The following KLRG2 variants were observed in gnomAD, a reference collection of about 807,000 sequenced individuals.
KLRG2 encodes the protein killer cell lectin-like receptor subfamily G member 2.
KLRG2 carries 39 observed loss-of-function variants against 35.4 expected under a neutral mutation model. The ratio of observed to expected loss-of-function variants is 1.10; its 90% confidence interval spans 0.85 to 1.44. The LOEUF (loss-of-function observed/expected upper bound fraction) is 1.44. Ranked by LOEUF, KLRG2 falls within the 40% of genes most tolerant of loss-of-function variation. The pLI is 0.00. For missense variants in KLRG2, 632 were observed against 570.9 expected (o/e 1.11, Z -1.09); for synonymous variants, 283 against 265.8 (o/e 1.06, Z -0.63).
Position 139,453,538 on chromosome 7 carries a change from A to T in KLRG2, c.*49T>A, listed in dbSNP as rs761045928. On this transcript the variant is annotated 3_prime_UTR_variant, in exon 5 of 5. Coordinates refer to ENST00000340940, the MANE Select transcript of KLRG2 (RefSeq NM_198508.4). ...CAAGCTCTCAACTGGCCTCCCCTGT[A>T]GGGGGTGCTGCATCTGCCTGGCAGG... The T allele has an allele frequency of 1.7e-5, 27 of 1,554,850 alleles. No individual in the cohort carries two copies. The highest frequency in any genetic ancestry group is 2.3e-5 in the Non-Finnish European group (26 of 1,150,304).
intron 4 of KLRG2, among the ~76,000 whole-genome samples, 176 bp from the exon 5 acceptor site, chr7:139,453,883 G>A (rs941436651): frequency 6.6e-6 from 1 of 152,192 alleles, no homozygotes; most frequent in East Asian, 1.9e-4. Context: ...CTGGGCAGCT[G>A]ACCCCGCATC....
intron 3 of KLRG2, among the ~76,000 whole-genome samples, chr7:139,461,708 A>T (rs78169955): frequency 6.6e-6 from 1 of 151,882 alleles, no homozygotes; most frequent in Non-Finnish European, 1.5e-5. Flanking sequence ...GACTGTAATT[A>T]TCCACTACCC....
chr7:139,430,980 C>A, the KLRG2 span, among the ~76,000 whole-genome samples: 1 of 146,952 alleles, frequency 6.8e-6, no homozygotes, highest in Non-Finnish European at 1.5e-5. Context: ...CCATTGCACT[C>A]CAGCCTGGGT....
At chr7:139,470,974 C>T (rs1248504921) in intron 3 of KLRG2, among the ~76,000 whole-genome samples, 1 of 151,740 alleles carries the variant, frequency 6.6e-6, no homozygotes, top group Admixed American at 6.6e-5. Context: ...TCCTGAGTAG[C>T]TGGGATTACA....
At chr7:139,436,989 C>T in the KLRG2 span, among the ~76,000 whole-genome samples, 7 of 152,146 alleles carry the variant, frequency 4.6e-5, no homozygotes, top group South Asian at 2.1e-4. Flanking sequence ...AAGGACCTTA[C>T]GGGTTTGAGG....
At chr7:139,435,928 G>A in the KLRG2 span, among the ~76,000 whole-genome samples, 2 of 150,864 alleles carry the variant, frequency 1.3e-5, no homozygotes, top group African/African-American at 4.9e-5. Flanking sequence ...TTGAGATAGG[G>A]TCTTGCTCTG....
downstream of KLRG2, chr7:139,448,721 G>GA (rs113447720): frequency 1.3e-5 from 2 of 151,600 alleles, no homozygotes; most frequent in Non-Finnish European, 2.9e-5. Context: ...ATAAAATAAA[G>GA]TTTTTTAAAA....
chr7:139,427,841 C>T, the KLRG2 span, among the ~76,000 whole-genome samples: 1 of 152,208 alleles, frequency 6.6e-6, no homozygotes, highest in African/African-American at 2.4e-5. Flanking sequence ...TGTTTTCCAA[C>T]ATAAATTAAC....
chr7:139,428,527 G>A, the KLRG2 span, among the ~76,000 whole-genome samples: 1 of 152,034 alleles, frequency 6.6e-6, no homozygotes, highest in Non-Finnish European at 1.5e-5. Flanking sequence ...CCAAAGTGCT[G>A]GGAGTATAGG....
intron 3 of KLRG2, among the ~76,000 whole-genome samples, chr7:139,472,131 G>A (rs66594425): frequency 0.079 from 12,087 of 152,190 alleles, 548 homozygotes; most frequent in Middle Eastern, 0.17. Context: ...TCCCTATTGT[G>A]TGGGGCAGAA....
At chr7:139,458,106 G>A (rs750369639) in intron 3 of KLRG2, among the ~76,000 whole-genome samples, 1 of 152,098 alleles carries the variant, frequency 6.6e-6, no homozygotes, top group Non-Finnish European at 1.5e-5. Context: ...GGCCAGGCAT[G>A]GCTGCTCACA....
At chr7:139,451,674 G>T (rs976489980), downstream of KLRG2, among the ~76,000 whole-genome samples, 1 of 151,976 alleles carries the variant, frequency 6.6e-6, no homozygotes, top group Non-Finnish European at 1.5e-5. Flanking sequence ...GAAAGAATGC[G>T]GCCTTTGGAG....
the KLRG2 span, among the ~76,000 whole-genome samples, chr7:139,438,287 A>G: frequency 1.3e-5 from 2 of 152,204 alleles, no homozygotes; most frequent in African/African-American, 2.4e-5. Flanking sequence ...ACTAGAGTGC[A>G]GTGGTGTGAT....
the KLRG2 span, among the ~76,000 whole-genome samples, chr7:139,432,322 C>A: frequency 1.3e-5 from 2 of 151,816 alleles, no homozygotes; most frequent in Non-Finnish European, 2.9e-5. Flanking sequence ...CACTGCACTC[C>A]AGCCCAGTCA....
chr7:139,443,521 G>A, the KLRG2 span, among the ~76,000 whole-genome samples: 1 of 152,146 alleles, frequency 6.6e-6, no homozygotes, highest in Non-Finnish European at 1.5e-5. Flanking sequence ...TCTCTAGAGG[G>A]ACAGAACTAG....
the KLRG2 span, among the ~76,000 whole-genome samples, chr7:139,428,507 C>T: frequency 6.6e-6 from 1 of 152,144 alleles, no homozygotes; most frequent in African/African-American, 2.4e-5. Context: ...GATCCTCCCA[C>T]CTTGGCTTCC....
intron 3 of KLRG2, among the ~76,000 whole-genome samples, chr7:139,455,540 C>CTCGA (rs1796461772): frequency 6.6e-6 from 1 of 151,522 alleles, no homozygotes. Flanking sequence ...CCAAGATGGT[C>CTCGA]TCGATCTCCT....
At chr7:139,433,402 C>G in the KLRG2 span, among the ~76,000 whole-genome samples, 2 of 151,898 alleles carry the variant, frequency 1.3e-5, no homozygotes, top group Non-Finnish European at 2.9e-5. Flanking sequence ...CTTGGCTCAC[C>G]ACAACCTCCA....
the KLRG2 span, among the ~76,000 whole-genome samples, chr7:139,430,155 CACT>C: frequency 1.3e-5 from 2 of 152,208 alleles, no homozygotes. Context: ...GTAATCCCAG[CACT>C]TTGGGAGGCT....
Sources: gnomAD v4.1 joint callset for allele counts (sites outside exome capture counted in the v4.1 genomes callset) on GRCh38, gnomAD v4.1.1 for gene constraint, MANE v1.5 for transcripts, NCBI Gene and HGNC (gene_info 2026-07-23, HGNC 2026-07-21) for gene names.